SNTG1: variants seen among roughly 807,000 people sequenced by gnomAD.
The protein encoded by SNTG1 is syntrophin gamma 1.
In SNTG1, 39 loss-of-function variants were observed where a neutral mutation model predicts 74.7. The ratio of observed to expected loss-of-function variants is 0.52; its 90% CI spans 0.40 to 0.68. SNTG1 has a LOEUF of 0.68. Ranked by LOEUF, SNTG1 falls within the 30% of genes least tolerant of loss-of-function variation. SNTG1 has a pLI of 0.00. For synonymous variants in SNTG1, 254 were observed against 217.1 expected, an observed-to-expected ratio of 1.17 and a Z score of -1.49; for missense variants, 685 against 609.5, an observed-to-expected ratio of 1.12 and a Z score of -1.30.
At chr8:50,277,626 A>T (rs1334680263) in intron 2 of SNTG1, among the ~76,000 whole-genome samples, 4 of 152,144 alleles carry the variant, frequency 2.6e-5, no homozygotes, top group African/African-American at 9.7e-5. Flanking sequence ...GTATAAATAG[A>T]TATTCATTCT....
intron 11 of SNTG1, among the ~76,000 whole-genome samples, chr8:50,552,650 T>C (rs2094433809): frequency 6.6e-6 from 1 of 151,738 alleles, no homozygotes; most frequent in Non-Finnish European, 1.5e-5. Flanking sequence ...TTACGATCTT[T>C]CTAAGTCAGA....
At chr8:50,086,874 C>A (rs1045802477) in intron 1 of SNTG1, among the ~76,000 whole-genome samples, 1 of 152,100 alleles carries the variant, frequency 6.6e-6, no homozygotes, top group East Asian at 1.9e-4. Context: ...GCACCAATAG[C>A]AAACTTGTAG....
At chr8:50,636,656 C>G (rs780132690) in intron 13 of SNTG1, among the ~76,000 whole-genome samples, 3 of 152,136 alleles carry the variant, frequency 2.0e-5, no homozygotes, top group African/African-American at 4.8e-5. Context: ...AGAGGTGGCA[C>G]TTAGTGAAAC....
intron 17 of SNTG1, among the ~76,000 whole-genome samples, chr8:50,744,924 G>A (rs978754011): frequency 1.3e-5 from 2 of 152,000 alleles, no homozygotes; most frequent in Non-Finnish European, 2.9e-5. Context: ...AGACCTAACT[G>A]TAAGAGTTAA....
At chr8:50,612,233 C>G (rs2094855587) in intron 13 of SNTG1, among the ~76,000 whole-genome samples, 1 of 152,154 alleles carries the variant, frequency 6.6e-6, no homozygotes, top group Non-Finnish European at 1.5e-5. Context: ...TCCATAGTAA[C>G]AGCTGGAAGA....
chr8:50,516,265 A>T (rs1178063316), intron 9 of SNTG1, among the ~76,000 whole-genome samples: 1 of 152,200 alleles, frequency 6.6e-6, no homozygotes, highest in Non-Finnish European at 1.5e-5. Context: ...AACAAAAAGG[A>T]CATCCACAAA....
intron 2 of SNTG1, among the ~76,000 whole-genome samples, chr8:50,214,001 C>G (rs1242790307): frequency 3.3e-5 from 5 of 151,940 alleles, no homozygotes; most frequent in East Asian, 3.9e-4. Context: ...TGAAGTCCTT[C>G]CCCATGCCTA....
chr8:50,426,512 T>C (rs2093165313), intron 4 of SNTG1, among the ~76,000 whole-genome samples: 1 of 151,760 alleles, frequency 6.6e-6, no homozygotes. Context: ...GAAAATATTT[T>C]CACACAGCTA....
At chr8:50,416,963 A>G (rs547752935) in intron 4 of SNTG1, among the ~76,000 whole-genome samples, 44 of 152,280 alleles carry the variant, frequency 2.9e-4, no homozygotes, top group African/African-American at 1.0e-3. Context: ...ATAAAGTAAT[A>G]CATTCAAGTG....
At chr8:50,223,343 A>G (rs961555173) in intron 2 of SNTG1, among the ~76,000 whole-genome samples, 4 of 152,140 alleles carry the variant, frequency 2.6e-5, no homozygotes, top group Non-Finnish European at 5.9e-5. Flanking sequence ...CTCATTTTAT[A>G]TGGCTAGTAC....
intron 17 of SNTG1, among the ~76,000 whole-genome samples, chr8:50,713,194 C>T (rs999409127): frequency 5.9e-5 from 9 of 152,196 alleles, no homozygotes; most frequent in African/African-American, 1.9e-4. Flanking sequence ...GATCCCCATT[C>T]TAACTGGTGT....
At chr8:50,149,516 T>C (rs543138845) in intron 1 of SNTG1, among the ~76,000 whole-genome samples, 2 of 152,356 alleles carry the variant, frequency 1.3e-5, no homozygotes, top group East Asian at 3.9e-4. Context: ...AGGGTTTTTA[T>C]GGTTTCAGGT....
At chr8:50,447,661 C>T (rs560920234) in intron 5 of SNTG1, among the ~76,000 whole-genome samples, 3 of 152,284 alleles carry the variant, frequency 2.0e-5, no homozygotes, top group Admixed American at 1.3e-4. Flanking sequence ...ACTGGGTTTA[C>T]ATCGATGCAC....
At chr8:50,682,394 G>C (rs1182029337) in intron 15 of SNTG1, among the ~76,000 whole-genome samples, 2 of 152,016 alleles carry the variant, frequency 1.3e-5, no homozygotes, top group Non-Finnish European at 2.9e-5. Context: ...GTCAGAGCAG[G>C]TGACCAGAGG....
intron 13 of SNTG1, among the ~76,000 whole-genome samples, chr8:50,641,649 C>G (rs1355817681): frequency 6.6e-6 from 1 of 152,214 alleles, no homozygotes; most frequent in Admixed American, 6.5e-5. Context: ...CTTCTTTTAT[C>G]AACCCCACAA....
chr8:50,492,286 T>C (rs1433093046), intron 8 of SNTG1, among the ~76,000 whole-genome samples: 3 of 152,168 alleles, frequency 2.0e-5, no homozygotes, highest in Non-Finnish European at 4.4e-5. Context: ...GTATTTCTAG[T>C]TCTAGATCCT....
In SNTG1 at chr8:50,761,504, A is replaced by G. The variant is rs1009433632; in HGVS notation, c.1395+9393A>G. Among the ~76,000 whole-genome samples, 4 of 151,898 alleles carry G rather than the reference A, an allele frequency of 2.6e-5. No homozygotes were observed. The East Asian group carries it at 7.8e-4, about 30-fold the overall frequency. On this transcript the variant is annotated intron_variant, in intron 18 of 18. Transcript: ENST00000642720. Reference sequence around the variant, plus strand: ...TGGAGTAGGGTATTTCCCTTCTCCAAGGTGAGTTAGGCTCTGATAAAACAC... The same window carrying G: ...TGGAGTAGGGTATTTCCCTTCTCCAGGGTGAGTTAGGCTCTGATAAAACAC...
intron 13 of SNTG1, among the ~76,000 whole-genome samples, chr8:50,594,226 A>G (rs2094711886): frequency 6.6e-6 from 1 of 152,316 alleles, no homozygotes; most frequent in East Asian, 1.9e-4. Context: ...TCACACTACT[A>G]TATGTACCTA....
chr8:49,974,998 T>TC (rs1473720152), intron 1 of SNTG1, among the ~76,000 whole-genome samples: 1 of 151,684 alleles, frequency 6.6e-6, no homozygotes, highest in Non-Finnish European at 1.5e-5. Flanking sequence ...CCAGGCAGGG[T>TC]CCATGGACAC....
Sources: gnomAD v4.1 joint callset for allele counts (sites outside exome capture counted in the v4.1 genomes callset) on GRCh38, gnomAD v4.1.1 for gene constraint, MANE v1.5 for transcripts, NCBI Gene and HGNC (gene_info 2026-07-23, HGNC 2026-07-21) for gene names.